MACROD2: variants seen among roughly 807,000 people sequenced by gnomAD.
The protein encoded by MACROD2 is ADP-ribose glycohydrolase MACROD2.
MACROD2 carries 36 observed loss-of-function variants against 70.4 expected under a neutral mutation model. The ratio of observed to expected loss-of-function variants is 0.51; its 90% CI spans 0.39 to 0.68. The LOEUF (loss-of-function observed/expected upper bound fraction) is 0.68. Among genes scored for constraint, MACROD2 ranks in the 30% least tolerant of loss-of-function variants. MACROD2 has a pLI of 0.00. For synonymous variants in MACROD2, 172 were observed against 178.8 expected (o/e 0.96, Z 0.30); for missense variants, 496 against 538.4 (o/e 0.92, Z 0.78).
intron 3 of MACROD2, among the ~76,000 whole-genome samples, chr20:14,476,684 C>A (rs2084599148): frequency 6.6e-6 from 1 of 152,156 alleles, no homozygotes; most frequent in Non-Finnish European, 1.5e-5. Context: ...TAATTTGACT[C>A]ACAGTCAGTT....
At chr20:15,038,749 T>C (rs2123020282) in intron 5 of MACROD2, among the ~76,000 whole-genome samples, 1 of 152,268 alleles carries the variant, frequency 6.6e-6, no homozygotes, top group East Asian at 1.9e-4. Flanking sequence ...AGTTGGATGA[T>C]CTGAAGACAT....
At chr20:15,228,505 T>C (rs2076931061) in intron 5 of MACROD2, among the ~76,000 whole-genome samples, 1 of 149,214 alleles carries the variant, frequency 6.7e-6, no homozygotes, top group Non-Finnish European at 1.5e-5. Flanking sequence ...TTTTTTTTTT[T>C]TGAGATGGAG....
intron 5 of MACROD2, among the ~76,000 whole-genome samples, chr20:14,992,523 G>A (rs1397165940): frequency 6.6e-6 from 1 of 152,162 alleles, no homozygotes; most frequent in Non-Finnish European, 1.5e-5. Context: ...ATTAGGGGCT[G>A]ACTAGCTGAC....
chr20:14,651,761 A>G (rs1985690852), intron 4 of MACROD2, among the ~76,000 whole-genome samples: 2 of 152,156 alleles, frequency 1.3e-5, no homozygotes, highest in Admixed American at 6.5e-5. Flanking sequence ...AGCTGTGGCA[A>G]TCAGTTCTGC....
At chr20:14,198,968 C>A (rs1288868890) in intron 3 of MACROD2, among the ~76,000 whole-genome samples, 1 of 151,920 alleles carries the variant, frequency 6.6e-6, no homozygotes, top group African/African-American at 2.4e-5. Flanking sequence ...ACCTTCTCGC[C>A]TTTTCTCTTT....
rs537220845 is a variant in MACROD2 at position 15,441,815 on chromosome 20, A to G, written c.571+10380A>G. On this transcript the variant is annotated intron_variant, in intron 7 of 17. Coordinates refer to ENST00000684519, the MANE Select transcript of MACROD2 (RefSeq NM_001351661.2). The stretch of plus-strand genomic sequence containing the variant: ...CACTTATTGTTATGCTATAATTTTT[A>G]AAAAATGATTTTCTGAATAGACGAA... 3.6e-3 allele frequency among the ~76,000 whole-genome samples: 550 copies of G among 152,246 alleles called. 3 individuals carry two copies. Among genetic ancestry groups the G allele is most frequent in the Non-Finnish European group, 5.9e-3 (400 of 67,992 alleles).
chr20:15,358,313 T>C (rs979965039), intron 6 of MACROD2, among the ~76,000 whole-genome samples: 4 of 152,144 alleles, frequency 2.6e-5, no homozygotes, highest in African/African-American at 9.7e-5. Flanking sequence ...GTTGTAGGAA[T>C]TTGAACATGA....
chr20:15,625,293 T>G (rs1284913166), intron 8 of MACROD2, among the ~76,000 whole-genome samples: 1 of 152,156 alleles, frequency 6.6e-6, no homozygotes, highest in Non-Finnish European at 1.5e-5. Context: ...GATTCACAGG[T>G]AAGCCCAGGA....
intron 6 of MACROD2, among the ~76,000 whole-genome samples, chr20:15,413,238 C>A (rs1385291426): frequency 3.3e-5 from 5 of 151,810 alleles, no homozygotes; most frequent in African/African-American, 7.3e-5. Flanking sequence ...TTTGACGGGG[C>A]AAGTTTCGCT....
chr20:15,854,822 G>C (rs1317155497), intron 8 of MACROD2, among the ~76,000 whole-genome samples: 1 of 152,080 alleles, frequency 6.6e-6, no homozygotes, highest in Non-Finnish European at 1.5e-5. Flanking sequence ...CACTTATCCT[G>C]GTCCTCCAAC....
At chr20:15,679,046 A>C (rs1161976234) in intron 8 of MACROD2, among the ~76,000 whole-genome samples, 1 of 152,030 alleles carries the variant, frequency 6.6e-6, no homozygotes, top group Non-Finnish European at 1.5e-5. Context: ...AGACCAGCCT[A>C]GTCAGCATGG....
chr20:14,402,710 G>A (rs915362480), intron 3 of MACROD2, among the ~76,000 whole-genome samples: 1 of 152,176 alleles, frequency 6.6e-6, no homozygotes, highest in African/African-American at 2.4e-5. Flanking sequence ...TCCCCTTAGA[G>A]TTGCCTAATA....
intron 3 of MACROD2, among the ~76,000 whole-genome samples, chr20:14,117,978 G>A (rs1387902799): frequency 1.3e-5 from 2 of 152,044 alleles, no homozygotes; most frequent in African/African-American, 2.4e-5. Flanking sequence ...AGATTATCAG[G>A]ATGGGTCTGA....
chr20:15,979,336 G>A (rs534474552), intron 13 of MACROD2, among the ~76,000 whole-genome samples: 39 of 152,202 alleles, frequency 2.6e-4, no homozygotes, highest in African/African-American at 9.2e-4. Flanking sequence ...TGGATCTTAA[G>A]GCTTCTGCTT....
chr20:15,895,382 C>T (rs1393212687), intron 10 of MACROD2, among the ~76,000 whole-genome samples: 1 of 152,180 alleles, frequency 6.6e-6, no homozygotes, highest in Non-Finnish European at 1.5e-5. Flanking sequence ...GAGGCACTCT[C>T]CAGAAACATA....
At chr20:14,407,366 T>C (rs2083702114) in intron 3 of MACROD2, among the ~76,000 whole-genome samples, 1 of 152,076 alleles carries the variant, frequency 6.6e-6, no homozygotes, top group South Asian at 2.1e-4. Flanking sequence ...ATGGTGACTC[T>C]GTTTTCTGGC....
chr20:15,502,176 G>A (rs1307334519), intron 8 of MACROD2, among the ~76,000 whole-genome samples: 1 of 152,174 alleles, frequency 6.6e-6, no homozygotes, highest in African/African-American at 2.4e-5. Context: ...ATAAAACAGG[G>A]CAATTGGAGA....
chr20:14,578,367 T>G (rs1980762772), intron 4 of MACROD2, among the ~76,000 whole-genome samples: 1 of 152,100 alleles, frequency 6.6e-6, no homozygotes, highest in Non-Finnish European at 1.5e-5. Context: ...AAGAGAAAAT[T>G]GTGTGTATGC....
intron 5 of MACROD2, among the ~76,000 whole-genome samples, chr20:14,956,225 A>G (rs2074535521): frequency 6.6e-6 from 1 of 152,168 alleles, no homozygotes; most frequent in South Asian, 2.1e-4. Context: ...TTTATTTAAC[A>G]TGGCAGGTGG....
Sources: allele counts gnomAD v4.1 joint callset (sites outside exome capture counted in the v4.1 genomes callset), GRCh38; gene constraint gnomAD v4.1.1; transcripts MANE v1.5; gene names NCBI Gene and HGNC (gene_info 2026-07-23, HGNC 2026-07-21).